The following GID4 variants were observed in gnomAD, a reference collection of about 807,000 sequenced individuals.
GID4 encodes glucose-induced degradation protein 4 homolog.
A neutral mutation model predicts 32.4 loss-of-function variants in GID4; 7 were observed. The observed-to-expected ratio is 0.22, with a 90% confidence interval of 0.12 to 0.41. GID4 has a LOEUF of 0.41. GID4 is among the 10% of genes least tolerant of loss of function. The probability of loss-of-function intolerance (pLI) is 1.00; values close to 1 mark genes in which losing one functional copy is unlikely to be tolerated. For missense variants in GID4, 309 were observed against 400.0 expected, an observed-to-expected ratio of 0.77 and a Z score of 1.94; for synonymous variants, 166 against 170.0, an observed-to-expected ratio of 0.98 and a Z score of 0.18.
intron 1 of GID4, among the ~76,000 whole-genome samples, chr17:18,043,013 C>T (rs1022084350): frequency 1.3e-5 from 2 of 152,154 alleles, no homozygotes; most frequent in African/African-American, 4.8e-5. Flanking sequence ...CTCCTCTCCA[C>T]CCCGCACTTA....
chr17:18,048,483 G>A (rs943306187), intron 2 of GID4, among the ~76,000 whole-genome samples: 6 of 152,118 alleles, frequency 3.9e-5, no homozygotes, highest in Admixed American at 1.3e-4. Flanking sequence ...GTGAGCCAAC[G>A]CACCCAGCCT....
At chr17:18,054,938 G>A (rs1354720013) in intron 3 of GID4, among the ~76,000 whole-genome samples, 8 of 152,258 alleles carry the variant, frequency 5.3e-5, no homozygotes, top group East Asian at 1.9e-4. Flanking sequence ...TTGGGAGGCC[G>A]AGGCGGGCGG....
rs915569968 is a variant in GID4 at position 18,061,640 on chromosome 17, A to G, written c.709-205A>G. Among the ~76,000 whole-genome samples, 2 of 152,158 alleles carry G rather than the reference A, an allele frequency of 1.3e-5. No individual in the cohort carries two copies. Among genetic ancestry groups the G allele is most frequent in the Admixed American group, 6.5e-5 (1 of 15,270 alleles). ...AAGACACAGTTTGTCACTTTAGTAT[A>G]TAGAATACTCCAGGAGCACATGGAC... is the stretch of plus-strand genomic sequence containing the variant. On this transcript the variant is annotated intron_variant, in intron 4 of 5. Transcript: ENST00000268719. This position sits in a 1 kb window ranked among gnomAD's most constrained non-coding sequence, Gnocchi z 4.4.
chr17:18,053,903 C>A (rs371985080), intron 2 of GID4, among the ~76,000 whole-genome samples: 14 of 152,328 alleles, frequency 9.2e-5, no homozygotes, highest in African/African-American at 3.4e-4. Flanking sequence ...GGGCTGTCTG[C>A]TGCTGGCAAA....
chr17:18,061,354 G>A lies in GID4; in HGVS notation c.709-491G>A, dbSNP rs1421291926. On this transcript the variant is annotated intron_variant, in intron 4 of 5. Transcript: ENST00000268719. This position sits in a 1 kb window ranked among gnomAD's most constrained non-coding sequence, Gnocchi z 4.4. Reference sequence around the variant, plus strand: ...GACAAGGCGTCAAGCTCTTGGAGGGGGTGTCACAGGGGCTACTGGCAACTG... The same window carrying A: ...GACAAGGCGTCAAGCTCTTGGAGGGAGTGTCACAGGGGCTACTGGCAACTG... 6.6e-6 allele frequency among the ~76,000 whole-genome samples: 1 copy of A among 152,134 alleles called. No homozygotes were observed. The highest frequency in any genetic ancestry group is 2.1e-4 in the South Asian group (1 of 4,826).
At chr17:18,051,668 C>T (rs947201159) in intron 2 of GID4, among the ~76,000 whole-genome samples, 4 of 150,310 alleles carry the variant, frequency 2.7e-5, no homozygotes, top group Admixed American at 2.6e-4. Context: ...GAGCGAGACT[C>T]CATCTCAAAA....
At chr17:18,040,759 G>C (rs2044790879) in intron 1 of GID4, among the ~76,000 whole-genome samples, 1 of 152,088 alleles carries the variant, frequency 6.6e-6, no homozygotes. Flanking sequence ...CCTCTTTCCT[G>C]TTCTTAACTT....
intron 4 of GID4, among the ~76,000 whole-genome samples, chr17:18,060,249 T>C (rs2045006825): frequency 6.6e-6 from 1 of 150,896 alleles, no homozygotes; most frequent in African/African-American, 2.4e-5. Flanking sequence ...AATACAAAAA[T>C]TAGCCAGGTG....
Position 18,039,908 on chromosome 17 carries a change from CGCCGG to C in GID4, c.438+18_438+22del. 7.2e-7 allele frequency: 1 copy of C among 1,387,218 alleles called. No individual in the cohort carries two copies. The highest frequency in any genetic ancestry group is 9.4e-7 in the Non-Finnish European group (1 of 1,059,620). 85.9% of individuals were successfully genotyped at this position (1,387,218 alleles called of 1,614,324 possible). ...ACGTAGAGGTGGTGCTGCAGGTGAG[CGCCGG>C]GCCGGGCCGGGGCCCGAGGGCCTCC... On this transcript the variant is annotated splice_region_variant and intron_variant, in intron 1 of 5. Transcript: ENST00000268719. This position sits in a 1 kb window ranked among gnomAD's most constrained non-coding sequence, Gnocchi z 5.3.
rs1022760706 is a variant in GID4 at position 18,068,143 on chromosome 17, T to C, written c.*2900T>C. On this transcript the variant is annotated 3_prime_UTR_variant, in exon 6 of 6. Coordinates refer to ENST00000268719, the MANE Select transcript of GID4 (RefSeq NM_024052.5). ...TTTCTCATAAAATAGTCTGATAAGC[T>C]AATTTTTAAAAAGAAATGCCATTAA... is the stretch of plus-strand genomic sequence containing the variant. 9 of 152,680 alleles carry C rather than the reference T, an allele frequency of 5.9e-5. No homozygotes were observed. The allele number at this position is 152,680 out of a possible 1,614,324, so 9.5% of individuals were successfully genotyped here.
intron 2 of GID4, among the ~76,000 whole-genome samples, chr17:18,046,367 G>A (rs933970829): frequency 2.0e-5 from 3 of 152,138 alleles, no homozygotes; most frequent in Non-Finnish European, 2.9e-5. Flanking sequence ...CATTTTGGGA[G>A]GTCAAAGCAG....
chr17:18,065,149 A>G (rs1215969915), intron 5 of GID4, 31 bp from the exon 6 acceptor site: 2 of 1,574,154 alleles, frequency 1.3e-6, no homozygotes, highest in Admixed American at 1.7e-5. Context: ...TTAGATGACT[A>G]CCTCCCGTTT....
intron 1 of GID4, among the ~76,000 whole-genome samples, chr17:18,043,483 G>A (rs1567584160): frequency 6.6e-6 from 1 of 152,206 alleles, no homozygotes; most frequent in East Asian, 1.9e-4. Context: ...AGAATTATGT[G>A]TCCTTTAATA....
chr17:18,044,864 T>C (rs2044837362), intron 1 of GID4, among the ~76,000 whole-genome samples: 1 of 152,158 alleles, frequency 6.6e-6, no homozygotes, highest in Admixed American at 6.5e-5. Context: ...TTGAAGATAG[T>C]ACAGAAAATG....
At position 18,053,106 on chromosome 17, in the gene GID4, C is replaced by A. The variant is rs1383454746; in HGVS notation, c.499-1021C>A. Among the ~76,000 whole-genome samples the A allele has an allele frequency of 2.1e-5, 3 of 145,336 alleles. No individual in the cohort carries two copies. The Admixed American group carries it at 2.1e-4, about 10-fold the overall frequency. On this transcript the variant is annotated intron_variant, in intron 2 of 5. Coordinates refer to ENST00000268719, the MANE Select transcript of GID4 (RefSeq NM_024052.5). ...TCTCGGCTTACTGCAAACTCCGCCT[C>A]CAGGTTCAAGCAATCTCCTGCCTCA...
Position 18,066,788 on chromosome 17 carries a change from T to A in GID4, c.*1545T>A, listed in dbSNP as rs1169519863. 6.6e-6 allele frequency: 1 copy of A among 152,170 alleles called. No individual in the cohort carries two copies. The highest frequency in any genetic ancestry group is 1.5e-5 in the Non-Finnish European group (1 of 68,040). 9.4% of individuals were successfully genotyped at this position (152,170 alleles called of 1,614,324 possible). A position where few individuals can be genotyped will look rare whatever the true frequency, so the allele number is the denominator to read the frequency against. Reference sequence around the variant, plus strand: ...AAGTGACTTTAATTTTATTGACATATGTACTGTATGTTACTGAGATTGAAT... The same window carrying A: ...AAGTGACTTTAATTTTATTGACATAAGTACTGTATGTTACTGAGATTGAAT... On this transcript the variant is annotated 3_prime_UTR_variant, in exon 6 of 6. Transcript: ENST00000268719.
At chr17:18,045,642 C>T (rs1014899779) in intron 2 of GID4, among the ~76,000 whole-genome samples, 2 of 151,690 alleles carry the variant, frequency 1.3e-5, no homozygotes, top group East Asian at 1.9e-4. Context: ...TGCCTGTAAT[C>T]GCAACACTTT....
At chr17:18,062,573 A>G (rs1409174241) in intron 5 of GID4, among the ~76,000 whole-genome samples, 1 of 152,210 alleles carries the variant, frequency 6.6e-6, no homozygotes, top group African/African-American at 2.4e-5. Flanking sequence ...AAACCATGTG[A>G]TAAAATGCCT....
At chr17:18,055,372 C>T in intron 3 of GID4, among the ~76,000 whole-genome samples, 1 of 152,108 alleles carries the variant, frequency 6.6e-6, no homozygotes, top group African/African-American at 2.4e-5. Flanking sequence ...TCTAAACTCT[C>T]CCCTGGTTCT....
Sources: allele counts gnomAD v4.1 joint callset (sites outside exome capture counted in the v4.1 genomes callset), GRCh38; gene constraint gnomAD v4.1.1; non-coding constraint Gnocchi (gnomAD v3.1); transcripts MANE v1.5; gene names NCBI Gene and HGNC (gene_info 2026-07-23, HGNC 2026-07-21).